DRICH1: variants seen among roughly 807,000 people sequenced by gnomAD.
DRICH1 encodes the protein aspartate-rich protein 1.
In DRICH1, 38 loss-of-function variants were observed where a neutral mutation model predicts 39.5. The ratio of observed to expected loss-of-function variants is 0.96; its 90% CI spans 0.74 to 1.26. The LOEUF is 1.26. Among genes scored for constraint, DRICH1 ranks in the 50% most tolerant of loss-of-function variants. DRICH1 has a pLI of 0.00. For synonymous variants in DRICH1, 84 were observed against 99.5 expected, an observed-to-expected ratio of 0.84 and a Z score of 0.93; for missense variants, 279 against 270.4, an observed-to-expected ratio of 1.03 and a Z score of -0.22.
the DRICH1 span, among the ~76,000 whole-genome samples, chr22:23,591,524 A>T: frequency 1.3e-5 from 2 of 151,830 alleles, no homozygotes; most frequent in Non-Finnish European, 2.9e-5. Context: ...ACCTTGAACT[A>T]CTCCAAGCGC....
the DRICH1 span, among the ~76,000 whole-genome samples, chr22:23,586,260 A>C: frequency 6.6e-6 from 1 of 152,208 alleles, no homozygotes; most frequent in African/African-American, 2.4e-5. Flanking sequence ...AGGCCAAGGC[A>C]GAAGGATCAC....
chr22:23,629,005 G>A (rs1176260425), intron 1 of DRICH1, among the ~76,000 whole-genome samples: 1 of 152,042 alleles, frequency 6.6e-6, no homozygotes, highest in Non-Finnish European at 1.5e-5. Flanking sequence ...AACCCTGTTA[G>A]ATATTTCTCC....
the DRICH1 span, among the ~76,000 whole-genome samples, chr22:23,594,482 A>G: frequency 6.6e-6 from 1 of 152,238 alleles, no homozygotes; most frequent in Non-Finnish European, 1.5e-5. Context: ...AGGCAGGAGA[A>G]TTGCTTGAAC....
chr22:23,622,215 T>C (rs1927786381), intron 3 of DRICH1, 39 bp from the exon 4 acceptor site: 3 of 1,590,706 alleles, frequency 1.9e-6, no homozygotes, highest in Non-Finnish European at 1.7e-6. Context: ...CCCTGGTTGA[T>C]TGTGACTGTG....
intron 11 of DRICH1, among the ~76,000 whole-genome samples, chr22:23,610,914 C>CAT (rs1166334862): frequency 7.1e-6 from 1 of 140,584 alleles, no homozygotes; most frequent in Non-Finnish European, 1.5e-5. Flanking sequence ...TTTTTTGAGA[C>CAT]AGAGTCTGCT....
chr22:23,595,291 CCT>C, the DRICH1 span, among the ~76,000 whole-genome samples: 9 of 148,870 alleles, frequency 6.0e-5, no homozygotes, highest in South Asian at 2.2e-4. Flanking sequence ...GTATTCATCC[CCT>C]GAGAAGGTTC....
intron 1 of DRICH1, among the ~76,000 whole-genome samples, chr22:23,627,713 AGCCAAGGG>A (rs1928152266): frequency 6.6e-6 from 1 of 152,092 alleles, no homozygotes; most frequent in African/African-American, 2.4e-5. Context: ...GAGCAGCAGG[AGCCAAGGG>A]GCAGGGGCAC....
chr22:23,604,079 CCCTCCATGGGG>C (rs1220310476), downstream of DRICH1, among the ~76,000 whole-genome samples: 1 of 152,156 alleles, frequency 6.6e-6, no homozygotes, highest in Non-Finnish European at 1.5e-5. Flanking sequence ...CACCACAACA[CCCTCCATGGGG>C]TGTCTCTAGT....
intron 11 of DRICH1, among the ~76,000 whole-genome samples, chr22:23,609,138 G>T (rs554979306): frequency 1.4e-4 from 21 of 152,264 alleles, no homozygotes; most frequent in African/African-American, 5.1e-4. Context: ...GGCACAAACT[G>T]ACACCCCAGA....
intron 11 of DRICH1, among the ~76,000 whole-genome samples, chr22:23,609,319 G>C (rs928163489): frequency 6.6e-6 from 1 of 152,192 alleles, no homozygotes; most frequent in African/African-American, 2.4e-5. Context: ...AAAGTGGGGC[G>C]AGTAATTGTG....
chr22:23,616,939 T>A (rs1472901571), intron 7 of DRICH1, 65 bp from the exon 8 acceptor site: 3 of 1,570,284 alleles, frequency 1.9e-6, no homozygotes, highest in African/African-American at 1.4e-5. Flanking sequence ...CTTACACAGA[T>A]CTGTTAGTCT....
At chr22:23,627,560 T>G (rs1181865201) in intron 1 of DRICH1, among the ~76,000 whole-genome samples, 1 of 152,148 alleles carries the variant, frequency 6.6e-6, no homozygotes, top group Non-Finnish European at 1.5e-5. Context: ...TTCCTGGGCA[T>G]CTACACAAGG....
chr22:23,625,835 C>T lies in DRICH1; in HGVS notation c.276+146G>A, dbSNP rs576850425. On this transcript the variant is annotated intron_variant, in intron 2 of 11. Coordinates refer to ENST00000317749, the MANE Select transcript of DRICH1 (RefSeq NM_016449.4). ...TGAAACCGTTCTGGGTGTGTCTGCA[C>T]CCAGATCTTGCAAGACCATCATTAA... is the stretch of plus-strand genomic sequence containing the variant. 12 of 666,926 alleles carry T rather than the reference C, an allele frequency of 1.8e-5. No homozygotes were observed. The South Asian group carries it at 2.0e-4, about 11-fold the overall frequency. The allele number at this position is 666,926 out of a possible 1,614,324, so 41.3% of individuals were successfully genotyped here.
At chr22:23,589,004 C>CTTA in the DRICH1 span, among the ~76,000 whole-genome samples, 2 of 151,916 alleles carry the variant, frequency 1.3e-5, no homozygotes, top group Non-Finnish European at 2.9e-5. Flanking sequence ...TCATATAACC[C>CTTA]AAACAAGCTA....
upstream of DRICH1, chr22:23,632,441 A>C: frequency 8.5e-6 from 2 of 236,346 alleles, no homozygotes; most frequent in East Asian, 1.1e-4. Flanking sequence ...GCCCCCCCCA[A>C]TGCCTCATAA....
At chr22:23,600,992 C>T in the DRICH1 span, among the ~76,000 whole-genome samples, 185 of 152,240 alleles carry the variant, frequency 1.2e-3, no homozygotes, top group African/African-American at 3.9e-3. Context: ...AATAAACATA[C>T]GCTTATGCAT....
At chr22:23,620,640 TA>T in intron 4 of DRICH1, 25 bp from the exon 5 acceptor site, 4 of 1,613,328 alleles carry the variant, frequency 2.5e-6, no homozygotes, top group Non-Finnish European at 3.4e-6. Context: ...AAGAAGATGC[TA>T]TGAGGATCAG....
chr22:23,585,837 A>C, the DRICH1 span, among the ~76,000 whole-genome samples: 125 of 152,176 alleles, frequency 8.2e-4, 1 homozygote, highest in East Asian at 0.022. Context: ...TTGGTTATTG[A>C]TTTCTAGTTT....
chr22:23,585,422 C>A, the DRICH1 span, among the ~76,000 whole-genome samples: 2 of 152,186 alleles, frequency 1.3e-5, no homozygotes, highest in East Asian at 3.8e-4. Flanking sequence ...CAGGCATGAG[C>A]CACCATGCCC....
Sources: allele counts gnomAD v4.1 joint callset (sites outside exome capture counted in the v4.1 genomes callset), GRCh38; gene constraint gnomAD v4.1.1; transcripts MANE v1.5; gene names NCBI Gene and HGNC (gene_info 2026-07-23, HGNC 2026-07-21).